ZIC3: variants seen among roughly 807,000 people sequenced by gnomAD.
ZIC3 encodes Zic family zinc finger 3.
ZIC3 carries 6 observed loss-of-function variants against 18.3 expected under a neutral mutation model. The ratio of observed to expected loss-of-function variants is 0.33; its 90% CI spans 0.18 to 0.65. ZIC3 has a LOEUF of 0.65. ZIC3 is among the 30% of genes least tolerant of loss of function. The probability of loss-of-function intolerance (pLI) is 0.75; values close to 1 mark genes in which losing one functional copy is unlikely to be tolerated. For synonymous variants in ZIC3, 175 were observed against 177.0 expected, an observed-to-expected ratio of 0.99 and a Z score of 0.09; for missense variants, 260 against 410.0, an observed-to-expected ratio of 0.63 and a Z score of 3.16.
chrX:137,568,931 G>A lies in ZIC3; in HGVS notation c.1090G>A (p.Gly364Ser). ...GAAACCTTTCAAATGTGAATTTGAA[G>A]GCTGTGACAGACGCTTTGCCAACAG... ...GEKPFKCEFE[G>S]CDRRFANSSD... The change falls in exon 2 of 3, where the codon GGC (glycine) becomes AGC (serine). Residue 364 changes from glycine (G) to serine (S), a missense_variant. Transcript: ENST00000287538. The A allele has an allele frequency of 8.3e-7, 1 of 1,211,118 alleles. No homozygotes were observed. The highest frequency in any genetic ancestry group is 1.1e-6 in the Non-Finnish European group (1 of 895,413).
chrX:137,574,965 T>A (rs1425291113), downstream of ZIC3, among the ~76,000 whole-genome samples: 1 of 112,016 alleles, frequency 8.9e-6, no homozygotes, highest in East Asian at 2.8e-4. Context: ...GAAGTTGGCG[T>A]GTGCTTTTTG....
rs769479561 is a variant in ZIC3, at chrX:137,566,826, C to T, written c.135C>T (p.His45=). Residue 45 remains histidine, a synonymous_variant, in exon 1 of 3, where the codon CAC becomes CAT. Coordinates refer to ENST00000287538, the MANE Select transcript of ZIC3 (RefSeq NM_003413.4). ...MGLNPFGDST[H]AAAAAAAAAA... is the part of the protein sequence containing the mutation. ...TGAATCCCTTCGGGGACTCAACCCACGCCGCCGCCGCCGCCGCCGCCGCCG... is the reference window on the plus strand; with the variant it reads ...TGAATCCCTTCGGGGACTCAACCCATGCCGCCGCCGCCGCCGCCGCCGCCG... 14 of 1,136,378 alleles carry T rather than the reference C, an allele frequency of 1.2e-5. No individual in the cohort carries two copies. Among genetic ancestry groups the T allele is most frequent in the African/African-American group, 1.8e-5 (1 of 55,062 alleles). The allele number at this position is 1,136,378 out of a possible 1,213,427, so 93.7% of individuals were successfully genotyped here.
At chrX:137,568,404 T>C (rs1387129903) in intron 1 of ZIC3, among the ~76,000 whole-genome samples, 4 of 110,983 alleles carry the variant, frequency 3.6e-5, no homozygotes, top group Non-Finnish European at 5.7e-5. Context: ...CCTCAAACAT[T>C]AACTACGACT....
chrX:137,570,537 C>T lies in ZIC3; in HGVS notation c.*467C>T, dbSNP rs1931423223. The T allele has an allele frequency of 7.3e-6, 1 of 136,361 alleles. No homozygotes were observed. Among genetic ancestry groups the T allele is most frequent in the Non-Finnish European group, 1.5e-5 (1 of 67,912 alleles). 11.2% of individuals were successfully genotyped at this position (136,361 alleles called of 1,213,427 possible). On this transcript the variant is annotated 3_prime_UTR_variant, in exon 3 of 3. Transcript: ENST00000287538. The stretch of plus-strand genomic sequence containing the variant: ...TTGAACTTTTCCTCAAAGCATTACA[C>T]TTGTGAATGTATTTTTGTCTAATAG...
In ZIC3 at chrX:137,566,779, C is replaced by T. The variant is rs1243589223; in HGVS notation, c.88C>T (p.Arg30Cys). The T allele has an allele frequency of 1.7e-6, 2 of 1,183,542 alleles. No homozygotes were observed. Among genetic ancestry groups the T allele is most frequent in the Admixed American group, 2.4e-5 (1 of 42,442 alleles). The part of the protein sequence containing the change: ...GAPRHHEMPN[R>C]EPAGMGLNPF... ...GCCGCGCCACCACGAGATGCCCAAC[C>T]GTGAGCCGGCAGGCATGGGGCTGAA... The change falls in exon 1 of 3, where the codon CGT (arginine) becomes TGT (cysteine). Residue 30 changes from arginine to cysteine, a missense_variant. This residue lies in a region of ZIC3 where 183 missense variants were observed against 223.8 expected (regional missense o/e 0.82). Transcript: ENST00000287538.
downstream of ZIC3, among the ~76,000 whole-genome samples, chrX:137,572,253 C>T (rs768810879): frequency 8.9e-6 from 1 of 112,563 alleles, no homozygotes; most frequent in Non-Finnish European, 1.9e-5. Flanking sequence ...TCTTTGTCAA[C>T]AGACAATTAG....
chrX:137,576,269 TA>T (rs1931513780), downstream of ZIC3, among the ~76,000 whole-genome samples: 1 of 111,431 alleles, frequency 9.0e-6, no homozygotes, highest in Admixed American at 9.5e-5. Context: ...GTGTGGAAAA[TA>T]AAAAGTTCAT....
downstream of ZIC3, among the ~76,000 whole-genome samples, chrX:137,576,620 C>G (rs948187340): frequency 8.9e-6 from 1 of 112,358 alleles, no homozygotes; most frequent in African/African-American, 3.2e-5. Context: ...ACTAAGTTTG[C>G]TGGAAGCATT....
At position 137,570,179 on chromosome X, in the gene ZIC3, G is replaced by C. The variant is rs1034325725; in HGVS notation, c.*109G>C. On this transcript the variant is annotated 3_prime_UTR_variant, in exon 3 of 3. Coordinates refer to ENST00000287538, the MANE Select transcript of ZIC3 (RefSeq NM_003413.4). ...TTTTAAGGCAAGAGGCCATATATAG[G>C]GCTACATCTTGTTAATTGCAATTGT... 4.4e-5 allele frequency: 41 copies of C among 935,316 alleles called. No homozygotes were observed. The highest frequency in any genetic ancestry group is 5.8e-5 in the Non-Finnish European group (38 of 651,763). The allele number at this position is 935,316 out of a possible 1,213,427, so 77.1% of individuals were successfully genotyped here. A position where few individuals can be genotyped will look rare whatever the true frequency, so the allele number is the denominator to read the frequency against.
Position 137,571,308 on chromosome X carries a change from C to T in ZIC3, c.*1238C>T, listed in dbSNP as rs1355917970. The stretch of plus-strand genomic sequence containing the variant: ...GTCTGTCTGTTCTATCTAGAGATCA[C>T]CCATATACCTATATATGTTTGTATC... On this transcript the variant is annotated 3_prime_UTR_variant, in exon 3 of 3. Coordinates refer to ENST00000287538, the MANE Select transcript of ZIC3 (RefSeq NM_003413.4). 8.9e-6 allele frequency: 1 copy of T among 111,879 alleles called. No homozygotes were observed. Among genetic ancestry groups the T allele is most frequent in the Non-Finnish European group, 1.9e-5 (1 of 53,105 alleles). The allele number at this position is 111,879 out of a possible 1,213,427, so 9.2% of individuals were successfully genotyped here. A position where few individuals can be genotyped will look rare whatever the true frequency, so the allele number is the denominator to read the frequency against.
Position 137,571,817 on chromosome X carries a change from A to C in ZIC3, c.*1747A>C, listed in dbSNP as rs1055911746. On this transcript the variant is annotated 3_prime_UTR_variant, in exon 3 of 3. Transcript: ENST00000287538. ...TTATATGGAAAAGAAATTGATTGCTATTTTGGGGGGCTGGAGTGGGTAGAG... is the reference window on the plus strand; with the variant it reads ...TTATATGGAAAAGAAATTGATTGCTCTTTTGGGGGGCTGGAGTGGGTAGAG... Among the ~76,000 whole-genome samples the C allele has an allele frequency of 9.8e-5, 11 of 111,949 alleles. No homozygotes were observed. Among genetic ancestry groups the C allele is most frequent in the Non-Finnish European group, 3.8e-5 (2 of 53,174 alleles).
downstream of ZIC3, chrX:137,574,010 G>C (rs1931477744): frequency 2.7e-5 from 3 of 113,197 alleles, no homozygotes; most frequent in South Asian, 1.1e-3. Flanking sequence ...CGGGCTCCGA[G>C]GACGCTTCGC....
rs1380630925 is a variant in ZIC3 at position 137,568,883 on chromosome X, G to T, written c.1061-19G>T. On this transcript the variant is annotated intron_variant, in intron 1 of 2. Transcript: ENST00000287538. ...GCGCTGACCGTATTTTACCCCCCTT[G>T]GGTTTTTGCCTTTTGCAGGTGAGAA... 4.1e-6 allele frequency: 5 copies of T among 1,210,501 alleles called. No homozygotes were observed. The highest frequency in any genetic ancestry group is 4.5e-6 in the Non-Finnish European group (4 of 894,983).
In ZIC3 at chrX:137,567,128, G is replaced by T; in HGVS notation, c.437G>T (p.Ser146Ile). 1 of 1,206,623 alleles carries T rather than the reference G, an allele frequency of 8.3e-7. No homozygotes were observed. The highest frequency in any genetic ancestry group is 1.1e-6 in the Non-Finnish European group (1 of 892,991). Residue 146 changes from serine to isoleucine, a missense_variant, in exon 1 of 3, where the codon AGC becomes ATC. Ser to Ile is a moderately radical substitution (Grantham distance 142). Coordinates refer to ENST00000287538, the MANE Select transcript of ZIC3 (RefSeq NM_003413.4). ...QHGLFAGSAS[S>I]LHAPAGIPEP... ...GGGCTCTTCGCCGGCTCGGCGAGCA[G>T]CCTGCATGCTCCAGCTGGCATCCCC...
chrX:137,566,825 ACGCCGCCGC>A lies in ZIC3; in HGVS notation c.153_161del (p.Ala53_Ala55del), dbSNP rs748325646. On this transcript the variant is annotated inframe_deletion, in exon 1 of 3. Coordinates refer to ENST00000287538, the MANE Select transcript of ZIC3 (RefSeq NM_003413.4). ...CTGAATCCCTTCGGGGACTCAACCCACGCCGCCGCCGCCGCCGCCGCCGCCGCTGCCTTC... is the reference window on the plus strand; with the variant it reads ...CTGAATCCCTTCGGGGACTCAACCCACGCCGCCGCCGCCGCCGCTGCCTTC... 777 of 1,160,670 alleles carry A rather than the reference ACGCCGCCGC, an allele frequency of 6.7e-4. 1 individual carries two copies. The highest frequency in any genetic ancestry group is 3.1e-3 in the East Asian group (95 of 30,819).
At chrX:137,569,751 AT>A (rs945164551) in intron 2 of ZIC3, 139 bp from the exon 3 acceptor site, 2 of 602,580 alleles carry the variant, frequency 3.3e-6, no homozygotes, top group Admixed American at 3.9e-5. Flanking sequence ...GGTAATACGG[AT>A]TTTTTTTAAG....
chrX:137,566,543 A>G lies in ZIC3; in HGVS notation c.-149A>G. 15 of 1,012,167 alleles carry G rather than the reference A, an allele frequency of 1.5e-5. No homozygotes were observed. The highest frequency in any genetic ancestry group is 2.0e-5 in the Non-Finnish European group (15 of 755,491). The allele number at this position is 1,012,167 out of a possible 1,213,427, so 83.4% of individuals were successfully genotyped here. On this transcript the variant is annotated 5_prime_UTR_variant, in exon 1 of 3. Coordinates refer to ENST00000287538, the MANE Select transcript of ZIC3 (RefSeq NM_003413.4). ...GCAGGAGACTCTTGCAGTGACGGAAAGTTGCAGCCCCTGGTAGCGCCTTGG... is the reference window on the plus strand; with the variant it reads ...GCAGGAGACTCTTGCAGTGACGGAAGGTTGCAGCCCCTGGTAGCGCCTTGG...
chrX:137,566,825 A>ACGC lies in ZIC3; in HGVS notation c.159_161dup (p.Ala55dup), dbSNP rs748325646. The ACGC allele has an allele frequency of 4.1e-3, 4,744 of 1,160,230 alleles. 10 individuals carry two copies. The highest frequency in any genetic ancestry group is 5.0e-3 in the Non-Finnish European group (4,366 of 872,784). ...CTGAATCCCTTCGGGGACTCAACCC[A>ACGC]CGCCGCCGCCGCCGCCGCCGCCGCC... On this transcript the variant is annotated inframe_insertion, in exon 1 of 3. Coordinates refer to ENST00000287538, the MANE Select transcript of ZIC3 (RefSeq NM_003413.4).
chrX:137,569,142 C>T lies in ZIC3; in HGVS notation c.1224+77C>T, dbSNP rs760396138. 16 of 1,111,839 alleles carry T rather than the reference C, an allele frequency of 1.4e-5. No individual in the cohort carries two copies. The East Asian group carries it at 4.2e-4, about 29-fold the overall frequency. The allele number at this position is 1,111,839 out of a possible 1,213,427, so 91.6% of individuals were successfully genotyped here. ...CCGGGCCGCGGAACGGAAGCGCCCGCGCTGCCAACCCTCTGTCTTCCACGT... is the reference window on the plus strand; with the variant it reads ...CCGGGCCGCGGAACGGAAGCGCCCGTGCTGCCAACCCTCTGTCTTCCACGT... On this transcript the variant is annotated intron_variant, in intron 2 of 2. Coordinates refer to ENST00000287538, the MANE Select transcript of ZIC3 (RefSeq NM_003413.4).
Sources: allele counts gnomAD v4.1 joint callset (sites outside exome capture counted in the v4.1 genomes callset), GRCh38; gene constraint gnomAD v4.1.1; regional missense constraint gnomAD v4.1.1; transcripts MANE v1.5; gene names NCBI Gene and HGNC (gene_info 2026-07-23, HGNC 2026-07-21).